KRT9: variants seen among roughly 807,000 people sequenced by gnomAD.
The protein encoded by KRT9 is keratin, type I cytoskeletal 9.
In KRT9, 34 loss-of-function variants were observed where a neutral mutation model predicts 51.4. The observed-to-expected ratio is 0.66, with a 90% confidence interval of 0.50 to 0.88. KRT9 has a LOEUF of 0.88. Ranked by LOEUF, KRT9 falls within the 40% of genes least tolerant of loss-of-function variation. The pLI is 0.00. For synonymous variants in KRT9, 292 were observed against 289.7 expected, an observed-to-expected ratio of 1.01 and a Z score of -0.08; for missense variants, 753 against 790.3, an observed-to-expected ratio of 0.95 and a Z score of 0.57.
intron 4 of KRT9, 114 bp from the exon 5 acceptor site, chr17:41,568,747 A>G: frequency 1.5e-6 from 2 of 1,372,520 alleles, no homozygotes; most frequent in Non-Finnish European, 2.1e-6. Flanking sequence ...TCTGAAGCCA[A>G]TGACAAGTCA....
rs952071013 is a variant in KRT9, at chr17:41,567,214, A to G, written c.*40+19T>C. 2.3e-5 allele frequency: 37 copies of G among 1,611,774 alleles called. No homozygotes were observed. The African/African-American group carries it at 4.7e-4, about 20-fold the overall frequency. On this transcript the variant is annotated intron_variant, in intron 7 of 7. Coordinates refer to ENST00000246662, the MANE Select transcript of KRT9 (RefSeq NM_000226.4). ...TGAGACCTTGACTCTCCACCCCACA[A>G]CCTAGGATTGTCCCTTACCTTTTGT...
Position 41,571,664 on chromosome 17 carries a change from C to T in KRT9, c.329G>A (p.Gly110Asp). The change falls in exon 1 of 8, where the codon GGT becomes GAT. Residue 110 changes from glycine (G) to aspartate (D), a missense_variant. Gly to Asp is a moderately conservative substitution (Grantham distance 94). Transcript: ENST00000246662. ...ASGGGYSSSG[G>D]FGGGFGGGSG... is the part of the protein sequence containing the mutation. ...ACCACCACCAAAGCCACCTCCAAAACCCCCAGAACTACTATAGCCTCCTCC... is the reference window on the plus strand; with the variant it reads ...ACCACCACCAAAGCCACCTCCAAAATCCCCAGAACTACTATAGCCTCCTCC... 1 of 1,604,378 alleles carries T rather than the reference C, an allele frequency of 6.2e-7. No individual in the cohort carries two copies. Among genetic ancestry groups the T allele is most frequent in the South Asian group, 1.1e-5 (1 of 90,018 alleles).
chr17:41,569,491 G>T lies in KRT9; in HGVS notation c.979C>A (p.Arg327Ser). ...KDLTKTLNDMRQEYEQLIAKN... is the reference protein window; with the variant it reads ...KDLTKTLNDMSQEYEQLIAKN... Reference sequence around the variant, plus strand: ...GCAATGAGCTGCTCATACTCCTGACGCATGTCATTGAGGGTCTTGGTGAGA... The same window carrying T: ...GCAATGAGCTGCTCATACTCCTGACTCATGTCATTGAGGGTCTTGGTGAGA... Residue 327 changes from arginine (R) to serine (S), a missense_variant, in exon 4 of 8, where the codon CGT becomes AGT. By Grantham distance (110) the Arg-to-Ser change is moderately radical. Around this residue, in one of 3 missense-constraint regions of KRT9, gnomAD observed 507 missense variants for 563.7 expected, o/e 0.90. Transcript: ENST00000246662. 1.2e-6 allele frequency: 2 copies of T among 1,614,124 alleles called. No individual in the cohort carries two copies. The highest frequency in any genetic ancestry group is 1.7e-6 in the Non-Finnish European group (2 of 1,179,972).
intron 6 of KRT9, 139 bp from the exon 7 acceptor site, chr17:41,567,889 G>T: frequency 6.6e-7 from 1 of 1,509,482 alleles, no homozygotes; most frequent in South Asian, 1.3e-5. Context: ...AGTCTGGGCG[G>T]GCACCACAGC....
chr17:41,569,688 G>A, intron 3 of KRT9, 101 bp from the exon 4 acceptor site: 3 of 1,534,962 alleles, frequency 2.0e-6, no homozygotes, highest in Non-Finnish European at 2.7e-6. Flanking sequence ...AGGGGACACA[G>A]TTGTGAAGCC....
Position 41,571,557 on chromosome 17 carries a change from C to T in KRT9, c.436G>A (p.Gly146Ser). Reference sequence around the variant, plus strand: ...TTCTCATTAGCAGTCAGAATACCACCATCACCTCCTCCAGCACCACCTCCA... The same window carrying T: ...TTCTCATTAGCAGTCAGAATACCACTATCACCTCCTCCAGCACCACCTCCA... Reference protein sequence around the residue: ...GFGGGAGGGDGGILTANEKST... With the variant: ...GFGGGAGGGDSGILTANEKST... Residue 146 changes from glycine to serine, a missense_variant, in exon 1 of 8, where the codon GGT becomes AGT. Coordinates refer to ENST00000246662, the MANE Select transcript of KRT9 (RefSeq NM_000226.4). The T allele has an allele frequency of 6.2e-7, 1 of 1,613,086 alleles. No homozygotes were observed. The highest frequency in any genetic ancestry group is 8.5e-7 in the Non-Finnish European group (1 of 1,179,482).
At chr17:41,566,209 G>C (rs1906868470) in intron 7 of KRT9, 57 bp from the exon 8 acceptor site, 1 of 153,404 alleles carries the variant, frequency 6.5e-6, no homozygotes, top group African/African-American at 2.4e-5. Context: ...AGCAGGAGCA[G>C]AGAGGTTGGG....
At chr17:41,566,643 A>G (rs1391414687) in intron 7 of KRT9, among the ~76,000 whole-genome samples, 3 of 152,242 alleles carry the variant, frequency 2.0e-5, no homozygotes, top group Admixed American at 6.5e-5. Flanking sequence ...ATAAAATTCA[A>G]TGTGTACATG....
rs756913823 is a variant in KRT9, at chr17:41,572,012, G to A, written c.-20C>T. 1.7e-5 allele frequency: 27 copies of A among 1,561,644 alleles called. No individual in the cohort carries two copies. The Admixed American group carries it at 2.1e-4, about 12-fold the overall frequency. ...GCTCATGACACAGCTGGTAGCTCAC[G>A]GGTTGAGAAGCAGTGATAGGAGTGC... On this transcript the variant is annotated 5_prime_UTR_variant, in exon 1 of 8. Transcript: ENST00000246662.
rs747457067 is a variant in KRT9, at chr17:41,571,631, C to A, written c.362G>T (p.Gly121Val). 6.2e-7 allele frequency: 1 copy of A among 1,605,366 alleles called. No homozygotes were observed. Among genetic ancestry groups the A allele is most frequent in the Admixed American group, 1.7e-5 (1 of 58,656 alleles). Residue 121 changes from glycine (G) to valine (V), a missense_variant, in exon 1 of 8, where the codon GGT becomes GTT. Physicochemically the swap from Gly to Val is moderately radical, Grantham distance 109 (BLOSUM62 -3). Coordinates refer to ENST00000246662, the MANE Select transcript of KRT9 (RefSeq NM_000226.4). ...FGGGFGGGSGGGFGGGYGSGF... is the reference protein window; with the variant it reads ...FGGGFGGGSGVGFGGGYGSGF... ...ACTCCCATAGCCACCACCAAAGCCA[C>A]CTCCAGAACCACCACCAAAGCCACC...
chr17:41,568,558 G>T lies in KRT9; in HGVS notation c.1120C>A (p.Arg374=), dbSNP rs116216460. Residue 374 remains arginine (R), a synonymous_variant, in exon 5 of 8, where the codon CGG becomes AGG. Transcript: ENST00000246662. ...ATCTCCAACTCCTGGACACCGTGCCGGAGCTGGGTCACCTCCTTGGCACTG... is the reference window on the plus strand; with the variant it reads ...ATCTCCAACTCCTGGACACCGTGCCTGAGCTGGGTCACCTCCTTGGCACTG... ...QSSAKEVTQL[R]HGVQELEIEL... 2 of 1,614,034 alleles carry T rather than the reference G, an allele frequency of 1.2e-6. No homozygotes were observed. Among genetic ancestry groups the T allele is most frequent in the Admixed American group, 1.7e-5 (1 of 60,010 alleles).
intron 7 of KRT9, among the ~76,000 whole-genome samples, chr17:41,566,796 C>A (rs550555711): frequency 1.3e-5 from 2 of 152,214 alleles, no homozygotes; most frequent in African/African-American, 2.4e-5. Context: ...TCTTTTCCAC[C>A]TGAACTGTTG....
chr17:41,571,309 A>T (rs372745245), intron 1 of KRT9, 42 bp downstream of exon 1: 2 of 1,550,226 alleles, frequency 1.3e-6, no homozygotes, highest in African/African-American at 2.7e-5. Context: ...ATAAAGAATG[A>T]AAGAGAAAGA....
At chr17:41,567,198 G>T in intron 7 of KRT9, 35 bp downstream of exon 7, 1 of 1,609,960 alleles carries the variant, frequency 6.2e-7, no homozygotes, top group Admixed American at 1.7e-5. Context: ...GTGAGACCTT[G>T]ACTCTCCACC....
chr17:41,568,103 G>A, intron 6 of KRT9, 59 bp downstream of exon 6: 2 of 1,418,670 alleles, frequency 1.4e-6, no homozygotes, highest in Non-Finnish European at 9.9e-7. Context: ...CAGAGGGACA[G>A]AAGTAGTATC....
At position 41,568,628 on chromosome 17, in the gene KRT9, G is replaced by T. The variant is rs1287707424; in HGVS notation, c.1050C>A (p.Thr350=). Residue 350 remains threonine (T), a synonymous_variant, in exon 5 of 8, where the codon ACC becomes ACA. Transcript: ENST00000246662. ...TACTGGATACCTCATGCTCGATCTG[G>T]GTTATCTGCAAAACCAAAGGCTCAG... ...DIENQYETQI[T]QIEHEVSSSG... 1 of 1,614,068 alleles carries T rather than the reference G, an allele frequency of 6.2e-7. No homozygotes were observed. The highest frequency in any genetic ancestry group is 8.5e-7 in the Non-Finnish European group (1 of 1,180,014).
At position 41,567,719 on chromosome 17, in the gene KRT9, C is replaced by A; in HGVS notation, c.1426G>T (p.Gly476Ter). The stretch of plus-strand genomic sequence containing the variant: ...CTGCCTCCACTTCCTCCTCGACCTC[C>A]AAGGCCAATTTTTCCAGCTCCGGAG... ...ESSGAGKIGL[G>*]GRGGSGGSYG... The change falls in exon 7 of 8, where the codon GGA becomes TGA. Residue 476 changes from glycine (G) to a stop codon, truncating the protein, a stop_gained. Coordinates refer to ENST00000246662, the MANE Select transcript of KRT9 (RefSeq NM_000226.4). LOFTEE classifies it high-confidence loss of function. The A allele has an allele frequency of 6.2e-7, 1 of 1,614,204 alleles. No individual in the cohort carries two copies. Among genetic ancestry groups the A allele is most frequent in the African/African-American group, 1.3e-5 (1 of 75,046 alleles).
chr17:41,570,953 A>C (rs1056515528), intron 1 of KRT9, among the ~76,000 whole-genome samples: 4 of 152,220 alleles, frequency 2.6e-5, no homozygotes, highest in African/African-American at 9.7e-5. Context: ...TGAATAACCA[A>C]CATGTACAGT....
At chr17:41,571,286 A>G in intron 1 of KRT9, 65 bp downstream of exon 1, 1 of 1,418,118 alleles carries the variant, frequency 7.1e-7, no homozygotes, top group East Asian at 2.3e-5. Flanking sequence ...TAGCATTTTA[A>G]CTTTTTTGGA....
Sources: gnomAD v4.1 joint callset for allele counts (sites outside exome capture counted in the v4.1 genomes callset) on GRCh38, gnomAD v4.1.1 for gene constraint, gnomAD v4.1.1 regional missense constraint, MANE v1.5 for transcripts, NCBI Gene and HGNC (gene_info 2026-07-23, HGNC 2026-07-21) for gene names.